The following VWC2 variants were observed in gnomAD, a reference collection of about 807,000 sequenced individuals.
VWC2 encodes the protein von Willebrand factor C domain containing 2.
Under a neutral mutation model 29.8 loss-of-function variants are expected in VWC2, and 14 were observed. The observed-to-expected ratio is 0.47, with a 90% CI of 0.31 to 0.74. The LOEUF is 0.74. Ranked by LOEUF, VWC2 falls within the 30% of genes least tolerant of loss-of-function variation. The pLI is 0.05. For synonymous variants in VWC2, 213 were observed against 199.0 expected, an observed-to-expected ratio of 1.07 and a Z score of -0.59; for missense variants, 457 against 459.8, an observed-to-expected ratio of 0.99 and a Z score of 0.05.
At chr7:49,896,192 T>G (rs1295568309) in intron 3 of VWC2, among the ~76,000 whole-genome samples, 1 of 151,978 alleles carries the variant, frequency 6.6e-6, no homozygotes, top group Non-Finnish European at 1.5e-5. Flanking sequence ...AATACAAAAA[T>G]TAGTCAGGTT....
At chr7:49,911,020 T>C (rs539810050) in intron 3 of VWC2, among the ~76,000 whole-genome samples, 2 of 152,276 alleles carry the variant, frequency 1.3e-5, no homozygotes, top group South Asian at 4.1e-4. Flanking sequence ...CTTCAAGCAG[T>C]TTGCTTGTTT....
intron 3 of VWC2, among the ~76,000 whole-genome samples, chr7:49,888,517 T>C (rs1791992980): frequency 6.6e-6 from 1 of 152,212 alleles, no homozygotes; most frequent in Non-Finnish European, 1.5e-5. Context: ...TTAAGACCAG[T>C]TCAGAAGGAC....
chr7:49,775,278 G>T (rs1048410453), intron 1 of VWC2, 55 bp from the exon 2 acceptor site: 4 of 352,052 alleles, frequency 1.1e-5, no homozygotes, highest in Middle Eastern at 8.5e-4. Context: ...GGGCCGCGGC[G>T]GGCCGGGGCG....
intron 3 of VWC2, among the ~76,000 whole-genome samples, chr7:49,832,868 G>C (rs1302064360): frequency 6.6e-6 from 1 of 152,174 alleles, no homozygotes; most frequent in Admixed American, 6.6e-5. Context: ...AGTACCTCCA[G>C]GCACTTCACT....
intron 3 of VWC2, among the ~76,000 whole-genome samples, chr7:49,907,323 C>T (rs973553830): frequency 2.0e-5 from 3 of 151,998 alleles, no homozygotes; most frequent in African/African-American, 2.4e-5. Context: ...ACTCTATATG[C>T]CAGTGATAAT....
intron 3 of VWC2, among the ~76,000 whole-genome samples, chr7:49,865,017 T>G (rs57408745): frequency 0.7 from 106,353 of 151,496 alleles, 37,777 homozygotes; most frequent in East Asian, 0.88. Flanking sequence ...CTCAATTTTT[T>G]CTGATATCCC....
chr7:49,817,609 C>G (rs781505438), intron 3 of VWC2, among the ~76,000 whole-genome samples: 5 of 152,190 alleles, frequency 3.3e-5, no homozygotes, highest in Non-Finnish European at 7.3e-5. Context: ...CAGCAAAACC[C>G]AAACCTTTTA....
At chr7:49,799,973 C>A (rs558144497) in intron 2 of VWC2, among the ~76,000 whole-genome samples, 15 of 152,172 alleles carry the variant, frequency 9.9e-5, no homozygotes, top group Non-Finnish European at 1.9e-4. Context: ...GGGACCACGT[C>A]GTATATGCAG....
At chr7:49,908,869 A>G (rs1332962166) in intron 3 of VWC2, among the ~76,000 whole-genome samples, 1 of 152,268 alleles carries the variant, frequency 6.6e-6, no homozygotes, top group Admixed American at 6.5e-5. Flanking sequence ...AAAGACTTCA[A>G]TGTGTTGCAA....
chr7:49,918,156 G>A lies in VWC2; in HGVS notation c.*5971G>A, dbSNP rs1353141620. The A allele has an allele frequency of 1.3e-5, 2 of 152,140 alleles. No individual in the cohort carries two copies. Among genetic ancestry groups the A allele is most frequent in the African/African-American group, 4.8e-5 (2 of 41,432 alleles). The allele number at this position is 152,140 out of a possible 1,614,324, so 9.4% of individuals were successfully genotyped here. On this transcript the variant is annotated 3_prime_UTR_variant, in exon 4 of 4. Transcript: ENST00000340652. ...TTTAACCTCACAGTTCTCCCAAATT[G>A]TGGGTAATGCTATCCCCTTTGTTGC...
intron 3 of VWC2, among the ~76,000 whole-genome samples, chr7:49,856,077 C>G (rs73111311): frequency 0.018 from 2,781 of 152,184 alleles, 33 homozygotes; most frequent in Non-Finnish European, 0.028. Context: ...CCCTTCTGTC[C>G]CCGGAAACAC....
At chr7:49,873,166 G>A (rs1791246428) in intron 3 of VWC2, among the ~76,000 whole-genome samples, 1 of 152,122 alleles carries the variant, frequency 6.6e-6, no homozygotes, top group Non-Finnish European at 1.5e-5. Context: ...GTAACAATTT[G>A]TCTTGGTCTG....
chr7:49,801,098 G>A (rs1156896299), intron 2 of VWC2, among the ~76,000 whole-genome samples: 1 of 152,150 alleles, frequency 6.6e-6, no homozygotes, highest in Admixed American at 6.5e-5. Context: ...CTGTGGTCTA[G>A]TGCCTCAGAA....
At chr7:49,839,805 G>C (rs1319105126) in intron 3 of VWC2, among the ~76,000 whole-genome samples, 1 of 152,202 alleles carries the variant, frequency 6.6e-6, no homozygotes, top group East Asian at 1.9e-4. Flanking sequence ...CTCAAGTTAG[G>C]AGTGAGAACC....
intron 3 of VWC2, among the ~76,000 whole-genome samples, chr7:49,905,696 A>G (rs1316364611): frequency 6.6e-6 from 1 of 152,210 alleles, no homozygotes; most frequent in Non-Finnish European, 1.5e-5. Flanking sequence ...GCTGGGTAAA[A>G]TGAGGCTGAG....
At chr7:49,906,789 T>C (rs1263168233) in intron 3 of VWC2, among the ~76,000 whole-genome samples, 1 of 152,212 alleles carries the variant, frequency 6.6e-6, no homozygotes, top group African/African-American at 2.4e-5. Flanking sequence ...TTGTAAATTG[T>C]TGCTTTCTGC....
Position 49,917,751 on chromosome 7 carries a change from G to T in VWC2, c.*5566G>T, listed in dbSNP as rs1458585980. 6.6e-6 allele frequency: 1 copy of T among 151,920 alleles called. No homozygotes were observed. The highest frequency in any genetic ancestry group is 1.9e-4 in the East Asian group (1 of 5,196). 9.4% of individuals were successfully genotyped at this position (151,920 alleles called of 1,614,324 possible). ...TGTATTTAGATGATTAATATTTAAT[G>T]ATCATTATTTTATTTAATGATTAAT... is the stretch of plus-strand genomic sequence containing the variant. On this transcript the variant is annotated 3_prime_UTR_variant, in exon 4 of 4. Transcript: ENST00000340652.
chr7:49,817,568 GA>G (rs1377682054), intron 3 of VWC2, among the ~76,000 whole-genome samples: 3 of 152,152 alleles, frequency 2.0e-5, no homozygotes, highest in Admixed American at 2.0e-4. Context: ...CCTCTTTGTT[GA>G]TCAGAAGACA....
chr7:49,870,828 C>G (rs1791119023), intron 3 of VWC2, among the ~76,000 whole-genome samples: 1 of 152,214 alleles, frequency 6.6e-6, no homozygotes. Context: ...CTCATTTATA[C>G]TGATGCTTGT....
Sources: gnomAD v4.1 joint callset for allele counts (sites outside exome capture counted in the v4.1 genomes callset) on GRCh38, gnomAD v4.1.1 for gene constraint, MANE v1.5 for transcripts, NCBI Gene and HGNC (gene_info 2026-07-23, HGNC 2026-07-21) for gene names.